Variants in THEMIS observed in about 807,000 individuals in gnomAD.
The protein encoded by THEMIS is thymocyte selection associated.
A neutral mutation model predicts 52.6 loss-of-function variants in THEMIS; 37 were observed. The observed-to-expected ratio is 0.70, with a 90% confidence interval of 0.54 to 0.93. The LOEUF is 0.93. Ranked by LOEUF, THEMIS falls within the 40% of genes least tolerant of loss-of-function variation. The pLI, the probability that THEMIS is intolerant of heterozygous loss-of-function variation, is 0.00. For synonymous variants in THEMIS, 292 were observed against 272.7 expected, an observed-to-expected ratio of 1.07 and a Z score of -0.70; for missense variants, 808 against 763.1, an observed-to-expected ratio of 1.06 and a Z score of -0.69.
chr6:127,753,013 T>G (rs1374740128), intron 4 of THEMIS, among the ~76,000 whole-genome samples: 2 of 151,994 alleles, frequency 1.3e-5, no homozygotes, highest in Middle Eastern at 3.4e-3. Context: ...CTTCAACATA[T>G]GCAAATCAAT....
intron 4 of THEMIS, among the ~76,000 whole-genome samples, chr6:127,812,256 T>C (rs1777933140): frequency 6.6e-6 from 1 of 152,218 alleles, no homozygotes; most frequent in Non-Finnish European, 1.5e-5. Context: ...AGAGTGGTTA[T>C]GGAGTTGTTG....
chr6:127,847,055 C>T (rs901451917), intron 2 of THEMIS, among the ~76,000 whole-genome samples: 10 of 151,670 alleles, frequency 6.6e-5, no homozygotes, highest in South Asian at 2.1e-4. Context: ...TCAATAGATG[C>T]GGAAAAAGCA....
intron 4 of THEMIS, among the ~76,000 whole-genome samples, chr6:127,795,486 A>AATG (rs1175672909): frequency 3.3e-5 from 5 of 151,878 alleles, no homozygotes; most frequent in African/African-American, 1.2e-4. Flanking sequence ...CTGCCACCAC[A>AATG]CCCGGCTAAT....
intron 4 of THEMIS, among the ~76,000 whole-genome samples, chr6:127,780,328 C>T (rs917225812): frequency 2.0e-5 from 3 of 152,072 alleles, no homozygotes; most frequent in South Asian, 2.1e-4. Flanking sequence ...TACAGCACAC[C>T]GATGGGTCTT....
At chr6:127,751,173 AAC>A (rs1775630424) in intron 4 of THEMIS, among the ~76,000 whole-genome samples, 6 of 151,830 alleles carry the variant, frequency 4.0e-5, no homozygotes. Context: ...TGTTAATAGA[AAC>A]ACAGAATGAA....
At chr6:127,823,958 G>C (rs1778421007) in intron 3 of THEMIS, among the ~76,000 whole-genome samples, 1 of 152,142 alleles carries the variant, frequency 6.6e-6, no homozygotes, top group African/African-American at 2.4e-5. Flanking sequence ...AAAAAGGAGT[G>C]CCTATGTGCC....
intron 4 of THEMIS, 124 bp from the exon 5 acceptor site, chr6:127,719,947 G>A (rs1774308044): frequency 1.6e-6 from 2 of 1,250,518 alleles, no homozygotes; most frequent in African/African-American, 3.1e-5. Flanking sequence ...ACATGTCAAA[G>A]CAAGCTACAA....
At chr6:127,755,921 G>A (rs1405479516) in intron 4 of THEMIS, among the ~76,000 whole-genome samples, 1 of 151,890 alleles carries the variant, frequency 6.6e-6, no homozygotes, top group East Asian at 1.9e-4. Context: ...CAGCTACTCA[G>A]GAGACTGAGA....
the THEMIS span, among the ~76,000 whole-genome samples, chr6:127,700,873 TACGTATAC>T: frequency 6.6e-6 from 1 of 152,066 alleles, no homozygotes; most frequent in Non-Finnish European, 1.5e-5. Flanking sequence ...AAACATGTAC[TACGTATAC>T]AATCAGAAAT....
intron 4 of THEMIS, among the ~76,000 whole-genome samples, chr6:127,727,510 T>A (rs1408712798): frequency 1.3e-5 from 2 of 152,140 alleles, no homozygotes; most frequent in Non-Finnish European, 2.9e-5. Flanking sequence ...TGTCTGTATC[T>A]AGGAAAATTA....
intron 4 of THEMIS, among the ~76,000 whole-genome samples, chr6:127,725,432 G>A (rs72965754): frequency 0.028 from 4,196 of 150,150 alleles, 82 homozygotes; most frequent in Middle Eastern, 0.049. Context: ...GTCTCCTACT[G>A]TGTGTGTGTG....
At chr6:127,893,520 C>T (rs542489652) in intron 1 of THEMIS, among the ~76,000 whole-genome samples, 2 of 152,270 alleles carry the variant, frequency 1.3e-5, no homozygotes, top group South Asian at 4.1e-4. Context: ...ATCCAAGAGG[C>T]AGAGTCCTGA....
chr6:127,722,966 C>G (rs955909973), intron 4 of THEMIS, among the ~76,000 whole-genome samples: 1 of 152,014 alleles, frequency 6.6e-6, no homozygotes, highest in African/African-American at 2.4e-5. Flanking sequence ...CTACCTCATG[C>G]TTTCAGTCCC....
At chr6:127,775,913 T>G (rs1484352280) in intron 4 of THEMIS, among the ~76,000 whole-genome samples, 1 of 152,174 alleles carries the variant, frequency 6.6e-6, no homozygotes, top group Non-Finnish European at 1.5e-5. Flanking sequence ...GCCAGATATA[T>G]GTATCTCTAA....
At chr6:127,802,458 A>G (rs2114566636) in intron 4 of THEMIS, among the ~76,000 whole-genome samples, 1 of 152,340 alleles carries the variant, frequency 6.6e-6, no homozygotes, top group Admixed American at 6.5e-5. Flanking sequence ...AGGTGGGCGT[A>G]GCTACCATAA....
At chr6:127,785,207 C>T (rs1164862264) in intron 4 of THEMIS, among the ~76,000 whole-genome samples, 3 of 115,880 alleles carry the variant, frequency 2.6e-5, no homozygotes, top group Non-Finnish European at 3.7e-5. Flanking sequence ...TACCTACCTA[C>T]CTATTATCTA....
the THEMIS span, among the ~76,000 whole-genome samples, chr6:127,700,441 C>A: frequency 1.3e-5 from 2 of 151,864 alleles, no homozygotes; most frequent in Non-Finnish European, 2.9e-5. Context: ...TTAAGTACCT[C>A]AAGTACTTTG....
intron 4 of THEMIS, among the ~76,000 whole-genome samples, chr6:127,721,006 C>T (rs1774343773): frequency 1.3e-5 from 2 of 151,978 alleles, no homozygotes; most frequent in Admixed American, 1.3e-4. Context: ...ATCAATGTGG[C>T]TTCTTCTGGC....
chr6:127,780,015 A>G (rs1776691233), intron 4 of THEMIS, among the ~76,000 whole-genome samples: 1 of 152,120 alleles, frequency 6.6e-6, no homozygotes, highest in Non-Finnish European at 1.5e-5. Flanking sequence ...GTCTCCCAAT[A>G]TTATTGTGTG....
Sources: allele counts gnomAD v4.1 joint callset (sites outside exome capture counted in the v4.1 genomes callset), GRCh38; gene constraint gnomAD v4.1.1; transcripts MANE v1.5; gene names NCBI Gene and HGNC (gene_info 2026-07-23, HGNC 2026-07-21).